Variants in GABRG3 observed in about 807,000 individuals in gnomAD.
GABRG3 encodes the protein gamma-aminobutyric acid receptor subunit gamma-3.
GABRG3 carries 25 observed loss-of-function variants against 48.8 expected under a neutral mutation model. That is an observed-to-expected ratio of 0.51 (90% confidence interval 0.37 to 0.72). The LOEUF (loss-of-function observed/expected upper bound fraction) is 0.72. Among genes scored for constraint, GABRG3 ranks in the 30% least tolerant of loss-of-function variants. The pLI is 0.00. For synonymous variants in GABRG3, 227 were observed against 217.6 expected (o/e 1.04, Z -0.38); for missense variants, 394 against 577.9 (o/e 0.68, Z 3.26).
intron 6 of GABRG3, among the ~76,000 whole-genome samples, chr15:27,509,212 A>C (rs1242787439): frequency 2.0e-5 from 3 of 152,128 alleles, no homozygotes; most frequent in Non-Finnish European, 4.4e-5. Flanking sequence ...TCCTCTGGTG[A>C]GGGAAAAAGC....
chr15:27,057,679 TAAGTA>T (rs1896574166), intron 3 of GABRG3, among the ~76,000 whole-genome samples: 1 of 152,120 alleles, frequency 6.6e-6, no homozygotes, highest in South Asian at 2.1e-4. Context: ...AGGTGTTTCC[TAAGTA>T]AAAACTGGTG....
intron 3 of GABRG3, among the ~76,000 whole-genome samples, chr15:27,149,553 G>A (rs896576345): frequency 1.3e-5 from 2 of 152,166 alleles, no homozygotes; most frequent in Non-Finnish European, 2.9e-5. Context: ...GAAGAACAAA[G>A]TTGGAGGATT....
chr15:27,399,785 T>G (rs918823374), intron 5 of GABRG3, among the ~76,000 whole-genome samples: 20 of 152,116 alleles, frequency 1.3e-4, no homozygotes, highest in African/African-American at 4.8e-4. Context: ...TAAAATTATT[T>G]CCTCTGAATG....
At chr15:27,214,072 G>T (rs935158453) in intron 3 of GABRG3, among the ~76,000 whole-genome samples, 5 of 152,114 alleles carry the variant, frequency 3.3e-5, no homozygotes, top group Non-Finnish European at 7.4e-5. Flanking sequence ...TTGAGTCTCA[G>T]TCTTGCTAAC....
At chr15:27,172,191 G>A (rs909188185) in intron 3 of GABRG3, among the ~76,000 whole-genome samples, 8 of 152,330 alleles carry the variant, frequency 5.3e-5, no homozygotes, top group African/African-American at 1.9e-4. Flanking sequence ...GCTCAAAGGA[G>A]AAGAGTGTAT....
At chr15:27,336,234 G>GAAA (rs1555372729) in intron 5 of GABRG3, among the ~76,000 whole-genome samples, 4,765 of 140,482 alleles carry the variant, frequency 0.034, 122 homozygotes, top group African/African-American at 0.075. Flanking sequence ...GAGAGAGAGA[G>GAAA]GAGAAGAAAA....
At chr15:26,999,914 T>G (rs1181844421) in intron 2 of GABRG3, among the ~76,000 whole-genome samples, 1 of 152,196 alleles carries the variant, frequency 6.6e-6, no homozygotes, top group Non-Finnish European at 1.5e-5. Flanking sequence ...TAGTATTATT[T>G]TTAATCTCAG....
At chr15:27,302,789 A>C (rs1892256460) in intron 3 of GABRG3, among the ~76,000 whole-genome samples, 2 of 152,010 alleles carry the variant, frequency 1.3e-5, no homozygotes. Flanking sequence ...CTCAGATCAT[A>C]ATGCAATTAA....
intron 5 of GABRG3, among the ~76,000 whole-genome samples, chr15:27,417,597 G>A (rs1004283200): frequency 8.5e-5 from 13 of 152,090 alleles, no homozygotes; most frequent in Admixed American, 4.6e-4. Flanking sequence ...CAGTGTGTCC[G>A]CTTTCTCTCC....
chr15:27,271,590 CTA>C (rs1396053240), intron 3 of GABRG3: 1 of 394,570 alleles, frequency 2.5e-6, no homozygotes, highest in African/African-American at 3.8e-5. Context: ...GGTATGCAAC[CTA>C]GAGTCAGTCA....
At chr15:27,284,100 A>G (rs1891528676) in intron 3 of GABRG3, among the ~76,000 whole-genome samples, 1 of 152,190 alleles carries the variant, frequency 6.6e-6, no homozygotes, top group Admixed American at 6.5e-5. Context: ...AGGAAAACTC[A>G]GAGATGTAGA....
At chr15:26,982,660 G>A (rs2140639543) in intron 2 of GABRG3, among the ~76,000 whole-genome samples, 1 of 152,236 alleles carries the variant, frequency 6.6e-6, no homozygotes, top group East Asian at 1.9e-4. Flanking sequence ...AAATAAAACA[G>A]CATATGTACA....
chr15:27,050,499 A>G (rs1002986015), intron 3 of GABRG3, among the ~76,000 whole-genome samples: 1 of 152,130 alleles, frequency 6.6e-6, no homozygotes, highest in Non-Finnish European at 1.5e-5. Context: ...TTCCTAGGAT[A>G]AGATAGCATC....
At chr15:27,207,716 A>G (rs1273434227) in intron 3 of GABRG3, among the ~76,000 whole-genome samples, 2 of 152,290 alleles carry the variant, frequency 1.3e-5, no homozygotes, top group East Asian at 1.9e-4. Context: ...CTAGCGCTCA[A>G]GGTGCTGAGG....
chr15:27,136,531 G>A (rs887950445), intron 3 of GABRG3, among the ~76,000 whole-genome samples: 3 of 152,134 alleles, frequency 2.0e-5, no homozygotes, highest in African/African-American at 7.2e-5. Context: ...GAGGGCTGGG[G>A]TGATCGTGTT....
At chr15:27,397,989 T>A (rs1017452776) in intron 5 of GABRG3, among the ~76,000 whole-genome samples, 6 of 151,690 alleles carry the variant, frequency 4.0e-5, no homozygotes, top group Non-Finnish European at 5.9e-5. Flanking sequence ...TATTTTTAGT[T>A]GAGATGGGGT....
chr15:27,052,464 G>GA (rs1374778452), intron 3 of GABRG3, among the ~76,000 whole-genome samples: 1 of 152,170 alleles, frequency 6.6e-6, no homozygotes, highest in East Asian at 1.9e-4. Flanking sequence ...GAGAATCACA[G>GA]AAAATCTAAG....
At chr15:27,219,523 G>A (rs1475415519) in intron 3 of GABRG3, among the ~76,000 whole-genome samples, 2 of 152,194 alleles carry the variant, frequency 1.3e-5, no homozygotes, top group Admixed American at 1.3e-4. Flanking sequence ...GGCAGGACGA[G>A]GACAGTGGTC....
At chr15:27,019,217 C>T (rs1010626441) in intron 2 of GABRG3, among the ~76,000 whole-genome samples, 3 of 151,832 alleles carry the variant, frequency 2.0e-5, no homozygotes, top group East Asian at 3.9e-4. Flanking sequence ...TACAGGCGCC[C>T]GCCACCACGC....
Sources: gnomAD v4.1 joint callset for allele counts (sites outside exome capture counted in the v4.1 genomes callset) on GRCh38, gnomAD v4.1.1 for gene constraint, MANE v1.5 for transcripts, NCBI Gene and HGNC (gene_info 2026-07-23, HGNC 2026-07-21) for gene names.